ARHGAP32: variants seen among roughly 807,000 people sequenced by gnomAD.
The protein encoded by ARHGAP32 is rho GTPase-activating protein 32.
A neutral mutation model predicts 186.5 loss-of-function variants in ARHGAP32; 51 were observed. That is an observed-to-expected ratio of 0.27 (90% CI 0.22 to 0.35). The LOEUF is 0.35. Ranked by LOEUF, ARHGAP32 falls within the 10% of genes least tolerant of loss-of-function variation. ARHGAP32 has a pLI of 1.00. For missense variants in ARHGAP32, 2,186 were observed against 2,623.5 expected, an observed-to-expected ratio of 0.83 and a Z score of 3.64; for synonymous variants, 950 against 964.3, an observed-to-expected ratio of 0.99 and a Z score of 0.27.
At chr11:129,258,034 A>C (rs1387279939) in intron 1 of ARHGAP32, among the ~76,000 whole-genome samples, 8 of 152,190 alleles carry the variant, frequency 5.3e-5, no homozygotes, top group African/African-American at 1.9e-4. Flanking sequence ...CAGTTCAAAA[A>C]AGTCTTATTT....
intron 2 of ARHGAP32, among the ~76,000 whole-genome samples, chr11:129,138,397 T>C (rs543670374): frequency 1.2e-4 from 18 of 151,352 alleles, no homozygotes; most frequent in African/African-American, 1.9e-4. Context: ...TTAAACCACA[T>C]AGAGAACAGT....
At chr11:129,109,642 T>C (rs1366966595) in intron 5 of ARHGAP32, among the ~76,000 whole-genome samples, 5 of 152,206 alleles carry the variant, frequency 3.3e-5, no homozygotes, top group East Asian at 1.9e-4. Context: ...ATATAACTCA[T>C]TGTGGGTTTT....
At chr11:129,267,959 C>A (rs1457056476) in intron 1 of ARHGAP32, among the ~76,000 whole-genome samples, 1 of 152,098 alleles carries the variant, frequency 6.6e-6, no homozygotes, top group Non-Finnish European at 1.5e-5. Context: ...TCACTCACCC[C>A]CCACCCACGG....
At chr11:129,269,638 G>A (rs548073476) in intron 1 of ARHGAP32, among the ~76,000 whole-genome samples, 3 of 152,118 alleles carry the variant, frequency 2.0e-5, no homozygotes, top group South Asian at 2.1e-4. Context: ...GACGTAGGAG[G>A]ATCACCTGAG....
In ARHGAP32 at chr11:128,976,554, T is replaced by TAAA. The variant is rs1186186385; in HGVS notation, c.2194+8_2194+9insTTT. The TAAA allele has an allele frequency of 6.2e-7, 1 of 1,609,870 alleles. No homozygotes were observed. Among genetic ancestry groups the TAAA allele is most frequent in the Non-Finnish European group, 8.5e-7 (1 of 1,176,240 alleles). On this transcript the variant is annotated intron_variant, in intron 20 of 22. Transcript: ENST00000682385. ...TATAGAATAAAATGACTGATGCTTT[T>TAAA]AGTCTTACCATCAACTGCATGGAGA... is the stretch of plus-strand genomic sequence containing the variant.
intron 1 of ARHGAP32, among the ~76,000 whole-genome samples, chr11:129,208,429 T>C (rs943373033): frequency 5.9e-5 from 9 of 152,154 alleles, no homozygotes; most frequent in Non-Finnish European, 8.8e-5. Context: ...CAAGGAGAAC[T>C]AGATCTCCTC....
intron 10 of ARHGAP32, among the ~76,000 whole-genome samples, chr11:129,053,763 A>G (rs1940145886): frequency 6.6e-6 from 1 of 152,190 alleles, no homozygotes; most frequent in Non-Finnish European, 1.5e-5. Flanking sequence ...TTTCATTTGC[A>G]TTATCACATA....
At chr11:129,026,125 G>A (rs1938835259) in intron 11 of ARHGAP32, among the ~76,000 whole-genome samples, 1 of 152,010 alleles carries the variant, frequency 6.6e-6, no homozygotes, top group Non-Finnish European at 1.5e-5. Context: ...GGTGAATTTG[G>A]AGTAAGGTCT....
chr11:128,978,918 A>G lies in ARHGAP32; in HGVS notation c.1977-3T>C, dbSNP rs1690297049. On this transcript the variant is annotated splice_region_variant and splice_polypyrimidine_tract_variant and intron_variant, in intron 18 of 22. Transcript: ENST00000682385. Reference sequence around the variant, plus strand: ...TCATCTTATTTTGAGGCCTCTTTCTATGAAAGAGAAAAAATAATCAACATT... The same window carrying G: ...TCATCTTATTTTGAGGCCTCTTTCTGTGAAAGAGAAAAAATAATCAACATT... The G allele has an allele frequency of 1.3e-6, 2 of 1,595,696 alleles. No individual in the cohort carries two copies. Among genetic ancestry groups the G allele is most frequent in the Non-Finnish European group, 1.7e-6 (2 of 1,174,414 alleles).
chr11:128,982,882 C>T (rs1392126434), intron 15 of ARHGAP32, among the ~76,000 whole-genome samples: 1 of 114,176 alleles, frequency 8.8e-6, no homozygotes, highest in Non-Finnish European at 1.7e-5. Context: ...CAGAGTGAGA[C>T]CTTGTCTTTA....
At chr11:129,185,912 A>G (rs1052175245) in intron 1 of ARHGAP32, among the ~76,000 whole-genome samples, 1 of 152,152 alleles carries the variant, frequency 6.6e-6, no homozygotes, top group African/African-American at 2.4e-5. Flanking sequence ...ATGGAAATGG[A>G]AACTAATCAT....
intron 2 of ARHGAP32, among the ~76,000 whole-genome samples, chr11:129,159,099 A>C (rs1049630197): frequency 6.6e-6 from 1 of 152,246 alleles, no homozygotes; most frequent in African/African-American, 2.4e-5. Context: ...CACAGGAGAA[A>C]GTGGGAAAGA....
chr11:129,160,943 G>T (rs1294883595), intron 2 of ARHGAP32, among the ~76,000 whole-genome samples: 1 of 152,136 alleles, frequency 6.6e-6, no homozygotes, highest in East Asian at 1.9e-4. Flanking sequence ...CATGGTACTG[G>T]TGCCAAAACA....
At chr11:128,992,346 T>C (rs1946079913) in intron 12 of ARHGAP32, among the ~76,000 whole-genome samples, 1 of 151,936 alleles carries the variant, frequency 6.6e-6, no homozygotes, top group South Asian at 2.1e-4. Context: ...TGAAATTCAG[T>C]TTTAAATATG....
upstream of ARHGAP32, among the ~76,000 whole-genome samples, chr11:129,193,701 T>TAC (rs1355483146): frequency 1.3e-3 from 43 of 32,872 alleles, no homozygotes; most frequent in African/African-American, 3.7e-3. Flanking sequence ...ATATAATATA[T>TAC]AATATATATT....
intron 1 of ARHGAP32, 58 bp downstream of exon 1, chr11:129,192,025 G>A (rs1292867508): frequency 2.5e-6 from 3 of 1,221,590 alleles, no homozygotes; most frequent in Non-Finnish European, 3.6e-6. Flanking sequence ...GAAGAAAAAG[G>A]GGTGCGGGTG....
chr11:129,049,216 G>A (rs1256508525), intron 10 of ARHGAP32, among the ~76,000 whole-genome samples: 1 of 152,096 alleles, frequency 6.6e-6, no homozygotes, highest in Admixed American at 6.6e-5. Context: ...TGCAAAATAG[G>A]CTAGGAAAGA....
chr11:129,018,611 T>TATGTG (rs1938461451), intron 11 of ARHGAP32, among the ~76,000 whole-genome samples: 1 of 152,170 alleles, frequency 6.6e-6, no homozygotes, highest in Non-Finnish European at 1.5e-5. Context: ...TCTTGGGAAA[T>TATGTG]ATGTGATATG....
At chr11:129,278,704 C>A (rs1945566950) in intron 1 of ARHGAP32, among the ~76,000 whole-genome samples, 1 of 151,926 alleles carries the variant, frequency 6.6e-6, no homozygotes, top group Non-Finnish European at 1.5e-5. Context: ...GCGGGGCCCA[C>A]GCACACCTGG....
Sources: gnomAD v4.1 joint callset for allele counts (sites outside exome capture counted in the v4.1 genomes callset) on GRCh38, gnomAD v4.1.1 for gene constraint, MANE v1.5 for transcripts, NCBI Gene and HGNC (gene_info 2026-07-23, HGNC 2026-07-21) for gene names.